DLGAP1: variants seen among roughly 807,000 people sequenced by gnomAD.
The protein encoded by DLGAP1 is disks large-associated protein 1.
A neutral mutation model predicts 90.8 loss-of-function variants in DLGAP1; 11 were observed. That is an observed-to-expected ratio of 0.12 (90% CI 0.08 to 0.20). The LOEUF (loss-of-function observed/expected upper bound fraction) is 0.20, where lower values mean the gene tolerates loss of function less well. DLGAP1 is among the 10% of genes least tolerant of loss of function. DLGAP1 has a pLI of 1.00. For synonymous variants in DLGAP1, 558 were observed against 540.7 expected (o/e 1.03, Z -0.44); for missense variants, 1,050 against 1,333.8 (o/e 0.79, Z 3.31).
chr18:3,933,107 T>C (rs2072555574), intron 3 of DLGAP1, among the ~76,000 whole-genome samples: 1 of 152,208 alleles, frequency 6.6e-6, no homozygotes, highest in South Asian at 2.1e-4. Context: ...GGGTGATGCA[T>C]TGCACTTGGG....
chr18:4,307,209 C>T (rs1448648551), intron 1 of DLGAP1, among the ~76,000 whole-genome samples: 1 of 152,142 alleles, frequency 6.6e-6, no homozygotes, highest in African/African-American at 2.4e-5. Flanking sequence ...TAAAGACCAA[C>T]TTAATCCAAT....
intron 7 of DLGAP1, among the ~76,000 whole-genome samples, chr18:3,696,271 T>C (rs2061088262): frequency 6.6e-6 from 1 of 152,230 alleles, no homozygotes; most frequent in Non-Finnish European, 1.5e-5. Flanking sequence ...CCTTGTCTTG[T>C]GCCGGTTTTC....
At chr18:3,645,894 A>G (rs17725408) in intron 7 of DLGAP1, among the ~76,000 whole-genome samples, 30,998 of 152,108 alleles carry the variant, frequency 0.2, 3,373 homozygotes, top group African/African-American at 0.23. Context: ...GCATGAAGCA[A>G]TAGAGTATAA....
intron 4 of DLGAP1, among the ~76,000 whole-genome samples, chr18:3,816,505 T>G (rs2067114088): frequency 6.6e-6 from 1 of 152,206 alleles, no homozygotes; most frequent in Non-Finnish European, 1.5e-5. Context: ...TTCATGGTCT[T>G]GAAAACAGTG....
intron 1 of DLGAP1, among the ~76,000 whole-genome samples, chr18:4,322,803 A>G (rs2080723582): frequency 1.3e-5 from 2 of 152,256 alleles, no homozygotes; most frequent in East Asian, 3.9e-4. Flanking sequence ...CTACGAAAAA[A>G]TACAAAAATT....
chr18:4,089,225 C>G (rs1355271028), intron 2 of DLGAP1, among the ~76,000 whole-genome samples: 4 of 152,070 alleles, frequency 2.6e-5, no homozygotes, highest in Non-Finnish European at 5.9e-5. Context: ...GAATAAAATA[C>G]CTAGGAATAC....
chr18:4,297,361 GA>G lies in DLGAP1; in HGVS notation c.-266-146075del, dbSNP rs200924618. ...GTGCCTAAGACGCTCCATGCCATGG[GA>G]AAAATTTATTGAAATATAATATCCA... is the stretch of plus-strand genomic sequence containing the variant. On this transcript the variant is annotated intron_variant, in intron 1 of 12. Coordinates refer to ENST00000315677, the MANE Select transcript of DLGAP1 (RefSeq NM_004746.4). 4.3e-4 allele frequency among the ~76,000 whole-genome samples: 66 copies of G among 151,826 alleles called. No homozygotes were observed. In the East Asian group the frequency reaches 0.012, roughly 27 times the overall value.
chr18:4,129,416 G>T (rs750750591), intron 2 of DLGAP1, among the ~76,000 whole-genome samples: 1 of 152,078 alleles, frequency 6.6e-6, no homozygotes, highest in Non-Finnish European at 1.5e-5. Flanking sequence ...ATTAAAAATT[G>T]TATTGGGCCA....
At chr18:3,585,158 T>C (rs568738) in intron 7 of DLGAP1, among the ~76,000 whole-genome samples, 68,735 of 152,072 alleles carry the variant, frequency 0.45, 15,797 homozygotes, top group African/African-American at 0.51. Flanking sequence ...AATACAGTGC[T>C]TGCAAGGTGC....
At chr18:4,298,719 C>T (rs796110474) in intron 1 of DLGAP1, among the ~76,000 whole-genome samples, 8 of 151,712 alleles carry the variant, frequency 5.3e-5, no homozygotes, top group African/African-American at 1.9e-4. Context: ...CACATGTATA[C>T]ATATGTAACT....
At chr18:4,286,802 G>C (rs1182913865) in intron 1 of DLGAP1, among the ~76,000 whole-genome samples, 2 of 152,124 alleles carry the variant, frequency 1.3e-5, no homozygotes, top group African/African-American at 4.8e-5. Flanking sequence ...AATTTTGTTA[G>C]GGAGGATCTT....
At chr18:4,112,181 T>C (rs1355669494) in intron 2 of DLGAP1, among the ~76,000 whole-genome samples, 3 of 152,116 alleles carry the variant, frequency 2.0e-5, no homozygotes, top group Non-Finnish European at 4.4e-5. Context: ...CTTTGACTCA[T>C]TAGTTATTTA....
intron 7 of DLGAP1, among the ~76,000 whole-genome samples, chr18:3,726,454 TGAGAGAGA>T (rs35741226): frequency 1.3e-5 from 2 of 149,404 alleles, no homozygotes; most frequent in South Asian, 2.1e-4. Flanking sequence ...GGTGTGTGTG[TGAGAGAGA>T]GAGAGAGAGA....
intron 1 of DLGAP1, among the ~76,000 whole-genome samples, chr18:4,438,082 A>C (rs2083446233): frequency 6.6e-6 from 1 of 152,152 alleles, no homozygotes; most frequent in Non-Finnish European, 1.5e-5. Flanking sequence ...TCCACATCAG[A>C]AAAACCTTAG....
At chr18:3,551,656 G>C (rs867998051) in intron 9 of DLGAP1, among the ~76,000 whole-genome samples, 201 of 7,928 alleles carry the variant, frequency 0.025, 51 homozygotes, top group Middle Eastern at 0.062. Context: ...CTCTCTCTTT[G>C]TCTCTTTCCT....
At chr18:4,274,714 G>A (rs1435865627) in intron 1 of DLGAP1, among the ~76,000 whole-genome samples, 1 of 152,104 alleles carries the variant, frequency 6.6e-6, no homozygotes, top group Non-Finnish European at 1.5e-5. Flanking sequence ...AGCTATAATT[G>A]AGAAAACCAC....
intron 1 of DLGAP1, among the ~76,000 whole-genome samples, chr18:4,269,541 A>C (rs1321841428): frequency 6.6e-6 from 1 of 151,772 alleles, no homozygotes; most frequent in East Asian, 1.9e-4. Flanking sequence ...TTTTTAGTAG[A>C]GACGGGGTTT....
chr18:3,988,316 T>C (rs929240591), intron 3 of DLGAP1, among the ~76,000 whole-genome samples: 2 of 152,158 alleles, frequency 1.3e-5, no homozygotes, highest in African/African-American at 4.8e-5. Flanking sequence ...CACTTGCCAC[T>C]ATAAAGCCTA....
At chr18:4,256,454 T>C (rs1384974569) in intron 1 of DLGAP1, among the ~76,000 whole-genome samples, 3 of 152,138 alleles carry the variant, frequency 2.0e-5, no homozygotes, top group African/African-American at 7.2e-5. Flanking sequence ...CGTATATAAG[T>C]TCTCCTACTT....
Sources: gnomAD v4.1 joint callset for allele counts (sites outside exome capture counted in the v4.1 genomes callset) on GRCh38, gnomAD v4.1.1 for gene constraint, MANE v1.5 for transcripts, NCBI Gene and HGNC (gene_info 2026-07-23, HGNC 2026-07-21) for gene names.